FGF14: variants seen among roughly 807,000 people sequenced by gnomAD.
The protein encoded by FGF14 is fibroblast growth factor homologous factor 4.
Under a neutral mutation model 25.5 loss-of-function variants are expected in FGF14, and 5 were observed. That is an observed-to-expected ratio of 0.20 (90% confidence interval 0.10 to 0.41). The LOEUF is 0.41. FGF14 is among the 10% of genes least tolerant of loss of function. The pLI is 1.00. For missense variants in FGF14, 222 were observed against 320.1 expected (o/e 0.69, Z 2.34); for synonymous variants, 138 against 118.3 (o/e 1.17, Z -1.08).
At chr13:101,724,630 A>G (rs1212125940) in intron 4 of FGF14, among the ~76,000 whole-genome samples, 3 of 129,860 alleles carry the variant, frequency 2.3e-5, no homozygotes, top group Non-Finnish European at 4.8e-5. Flanking sequence ...ATATATATAT[A>G]TAAAACAAAG....
chr13:102,369,226 C>A (rs1462979299), intron 1 of FGF14, among the ~76,000 whole-genome samples: 2 of 152,132 alleles, frequency 1.3e-5, no homozygotes, highest in Non-Finnish European at 1.5e-5. Flanking sequence ...CTGTCACTGT[C>A]CTTCATTGAA....
chr13:101,723,016 G>A (rs1481378180), intron 4 of FGF14, 49 bp from the exon 5 acceptor site: 1 of 1,611,052 alleles, frequency 6.2e-7, no homozygotes, highest in Non-Finnish European at 8.5e-7. Flanking sequence ...GCTTGGTTAG[G>A]TGTGAGAATG....
At chr13:101,749,698 A>G (rs1339534990) in intron 3 of FGF14, among the ~76,000 whole-genome samples, 1 of 152,112 alleles carries the variant, frequency 6.6e-6, no homozygotes, top group Middle Eastern at 3.2e-3. Flanking sequence ...ATCTGAGAAC[A>G]TTTGTTACTT....
chr13:102,041,738 C>A (rs1188086825), intron 1 of FGF14, among the ~76,000 whole-genome samples: 1 of 152,114 alleles, frequency 6.6e-6, no homozygotes, highest in Admixed American at 6.6e-5. Context: ...AGGTCCTTAA[C>A]CTCATAAAAG....
intron 1 of FGF14, among the ~76,000 whole-genome samples, chr13:102,396,781 T>C (rs1399874058): frequency 6.6e-6 from 1 of 152,192 alleles, no homozygotes. Flanking sequence ...TTAACTGGGA[T>C]ATACATTTCA....
Position 101,835,228 on chromosome 13 carries a change from G to T in FGF14, c.408+33497C>A, listed in dbSNP as rs75774046. The stretch of plus-strand genomic sequence containing the variant: ...ACAGCCTTTCAAGGTTGTGTATGTG[G>T]GTGTGTGTGTGAGAGAGAGACTGAA... On this transcript the variant is annotated intron_variant, in intron 3 of 4. Transcript: ENST00000376143. Among the ~76,000 whole-genome samples the T allele has an allele frequency of 2.5e-3, 378 of 151,826 alleles. 3 individuals are homozygous for T. Among genetic ancestry groups the T allele is most frequent in the African/African-American group, 8.9e-3 (369 of 41,426 alleles).
chr13:101,798,729 T>G (rs1472020703), intron 3 of FGF14, among the ~76,000 whole-genome samples: 1 of 152,114 alleles, frequency 6.6e-6, no homozygotes, highest in African/African-American at 2.4e-5. Flanking sequence ...TTTGCCTGTG[T>G]CTAAGGGAAG....
At chr13:101,724,393 G>T (rs1479217950) in intron 4 of FGF14, among the ~76,000 whole-genome samples, 1 of 150,096 alleles carries the variant, frequency 6.7e-6, no homozygotes, top group Non-Finnish European at 1.5e-5. Flanking sequence ...ACTGAACAAT[G>T]AGAACACTTG....
intron 1 of FGF14, among the ~76,000 whole-genome samples, chr13:102,362,627 A>G (rs1175366399): frequency 1.3e-5 from 2 of 152,196 alleles, no homozygotes; most frequent in Non-Finnish European, 2.9e-5. Flanking sequence ...TCTATGTACA[A>G]TAGCACTTTG....
At chr13:102,232,675 T>C (rs7988828) in intron 1 of FGF14, among the ~76,000 whole-genome samples, 23,263 of 152,206 alleles carry the variant, frequency 0.15, 1,998 homozygotes, top group East Asian at 0.39. Context: ...AATGTATATT[T>C]TAACATATAT....
Position 102,063,768 on chromosome 13 carries a change from T to C in FGF14, c.209-188472A>G, listed in dbSNP as rs139286375. ...ACATGAATAAGATTTTCAAATATTA[T>C]AAAAGGTGGATAAACTGGTCAGAAT... On this transcript the variant is annotated intron_variant, in intron 1 of 4. Transcript: ENST00000376131. 3.6e-3 allele frequency among the ~76,000 whole-genome samples: 545 copies of C among 152,272 alleles called. 2 individuals carry two copies. Among genetic ancestry groups the C allele is most frequent in the Middle Eastern group, 6.8e-3 (2 of 294 alleles).
intron 1 of FGF14, among the ~76,000 whole-genome samples, chr13:102,374,644 T>TTATATATATATATA (rs55670716): frequency 6.1e-5 from 3 of 49,350 alleles, no homozygotes; most frequent in Non-Finnish European, 1.2e-4. Context: ...CTTACATATT[T>TTATATATATATATA]TATATATATA....
At chr13:102,091,425 G>A (rs569294172) in intron 1 of FGF14, among the ~76,000 whole-genome samples, 1 of 151,236 alleles carries the variant, frequency 6.6e-6, no homozygotes, top group Admixed American at 6.6e-5. Flanking sequence ...GCTGCTTGTG[G>A]ATCTTGTGAG....
intron 1 of FGF14, among the ~76,000 whole-genome samples, chr13:102,045,185 A>G (rs1036242116): frequency 1.6e-4 from 25 of 152,260 alleles, no homozygotes; most frequent in African/African-American, 2.4e-5. Flanking sequence ...TCAAGCATCT[A>G]TGTGCACACA....
intron 1 of FGF14, among the ~76,000 whole-genome samples, chr13:102,230,118 T>C (rs1284553844): frequency 1.3e-5 from 2 of 152,270 alleles, no homozygotes; most frequent in Non-Finnish European, 2.9e-5. Flanking sequence ...ATTAGTGCTC[T>C]TATAAGAAGG....
intron 3 of FGF14, among the ~76,000 whole-genome samples, chr13:101,782,194 C>A (rs2039537858): frequency 6.6e-6 from 1 of 152,114 alleles, no homozygotes; most frequent in Non-Finnish European, 1.5e-5. Context: ...AATTTTCCTT[C>A]CCAGACACTA....
intron 1 of FGF14, among the ~76,000 whole-genome samples, chr13:101,939,348 G>A (rs1301485733): frequency 1.3e-5 from 2 of 152,104 alleles, no homozygotes; most frequent in African/African-American, 2.4e-5. Context: ...ACACAAACTC[G>A]TTTTAATGAT....
At chr13:101,723,905 AG>A (rs1334862366) in intron 4 of FGF14, among the ~76,000 whole-genome samples, 4 of 152,098 alleles carry the variant, frequency 2.6e-5, no homozygotes, top group Non-Finnish European at 4.4e-5. Context: ...GGTTTTTGAA[AG>A]TTTAAGGTAT....
intron 1 of FGF14, among the ~76,000 whole-genome samples, chr13:102,281,982 C>G (rs764353330): frequency 1.3e-4 from 19 of 151,998 alleles, no homozygotes; most frequent in Non-Finnish European, 2.5e-4. Context: ...GCAGCAACTT[C>G]TTCTACCATC....
Sources: gnomAD v4.1 joint callset for allele counts (sites outside exome capture counted in the v4.1 genomes callset) on GRCh38, gnomAD v4.1.1 for gene constraint, MANE v1.5 for transcripts, NCBI Gene and HGNC (gene_info 2026-07-23, HGNC 2026-07-21) for gene names.